Variants in CDH22 observed in about 807,000 individuals in gnomAD.
The protein encoded by CDH22 is cadherin 22.
A neutral mutation model predicts 58.4 loss-of-function variants in CDH22; 30 were observed. The observed-to-expected ratio is 0.51, with a 90% CI of 0.38 to 0.70. The LOEUF is 0.70. Ranked by LOEUF, CDH22 falls within the 30% of genes least tolerant of loss-of-function variation. CDH22 has a pLI of 0.00. For synonymous variants in CDH22, 513 were observed against 558.2 expected (o/e 0.92, Z 1.14); for missense variants, 1,014 against 1,233.9 (o/e 0.82, Z 2.67).
rs2086648793 is a variant in CDH22, at chr20:46,300,966, A to G, written c.-400+7289T>C. 6.6e-6 allele frequency among the ~76,000 whole-genome samples: 1 copy of G among 152,230 alleles called. No individual in the cohort carries two copies. The highest frequency in any genetic ancestry group is 1.5e-5 in the Non-Finnish European group (1 of 68,040). ...TGGAGAACCATGCAGCTCTTGAAAA[A>G]TGATGATGTAGATGTATATTTATCG... On this transcript the variant is annotated intron_variant, in intron 1 of 11. Coordinates refer to ENST00000537909, the MANE Select transcript of CDH22 (RefSeq NM_021248.3). The surrounding 1 kb of genome is among the most constrained non-coding windows in gnomAD (Gnocchi z 4.4).
chr20:46,237,652 G>A (rs1326661040), intron 3 of CDH22, among the ~76,000 whole-genome samples: 4 of 152,010 alleles, frequency 2.6e-5, no homozygotes, highest in South Asian at 2.1e-4. Context: ...CCCCACTCCC[G>A]ACATTTTTCC....
intron 4 of CDH22, among the ~76,000 whole-genome samples, chr20:46,218,399 C>T (rs2086100775): frequency 6.6e-6 from 1 of 152,218 alleles, no homozygotes; most frequent in African/African-American, 2.4e-5. Context: ...GTCAGTAACA[C>T]ACAGCCCAGA....
intron 1 of CDH22, among the ~76,000 whole-genome samples, chr20:46,260,842 G>A (rs1187788564): frequency 6.6e-6 from 1 of 152,222 alleles, no homozygotes; most frequent in Non-Finnish European, 1.5e-5. Context: ...GACAGGGGAA[G>A]GTATTCTTAT....
intron 1 of CDH22, among the ~76,000 whole-genome samples, chr20:46,252,876 G>A (rs901186144): frequency 4.6e-5 from 7 of 152,232 alleles, no homozygotes; most frequent in Admixed American, 1.3e-4. Flanking sequence ...GACTGAGCTC[G>A]GGTGTTTGGA....
chr20:46,242,236 T>C (rs937255495), intron 2 of CDH22, among the ~76,000 whole-genome samples: 2 of 152,148 alleles, frequency 1.3e-5, no homozygotes, highest in Non-Finnish European at 2.9e-5. Flanking sequence ...CTAATGAAGA[T>C]TGGAGAAGTG....
intron 1 of CDH22, among the ~76,000 whole-genome samples, chr20:46,299,830 C>T (rs1046181181): frequency 2.6e-5 from 4 of 152,088 alleles, no homozygotes; most frequent in African/African-American, 9.7e-5. Flanking sequence ...AGATGGGAAC[C>T]CTGGTAGTCT....
rs73312761 is a variant in CDH22, at chr20:46,181,363, C to G, written c.1664-3166G>C. ...AAGTGATATGATTCCTGAGCCTGAA[C>G]AGTGAGTTTAGGGAGAGGGAACAGC... is the stretch of plus-strand genomic sequence containing the variant. On this transcript the variant is annotated intron_variant, in intron 10 of 11. Coordinates refer to ENST00000537909, the MANE Select transcript of CDH22 (RefSeq NM_021248.3). Among the ~76,000 whole-genome samples, 768 of 152,170 alleles carry G rather than the reference C, an allele frequency of 5.0e-3. 11 individuals are homozygous for G. Among genetic ancestry groups the G allele is most frequent in the African/African-American group, 0.017 (713 of 41,482 alleles).
At chr20:46,280,376 C>T (rs558092678) in intron 1 of CDH22, among the ~76,000 whole-genome samples, 5 of 152,220 alleles carry the variant, frequency 3.3e-5, no homozygotes, top group South Asian at 2.1e-4. Flanking sequence ...GCTGAGATCG[C>T]GCCACCGCAC....
intron 8 of CDH22, among the ~76,000 whole-genome samples, chr20:46,197,077 G>A (rs1239674309): frequency 6.6e-6 from 1 of 152,008 alleles, no homozygotes; most frequent in Non-Finnish European, 1.5e-5. Flanking sequence ...GATGGGGGTG[G>A]GGCTCAGACA....
intron 4 of CDH22, among the ~76,000 whole-genome samples, chr20:46,218,374 A>G (rs967658573): frequency 2.6e-5 from 4 of 152,210 alleles, no homozygotes; most frequent in African/African-American, 9.6e-5. Context: ...CATTCTATGC[A>G]TGAACCAGGC....
intron 6 of CDH22, among the ~76,000 whole-genome samples, chr20:46,211,965 T>G (rs893424667): frequency 2.6e-5 from 4 of 152,090 alleles, no homozygotes; most frequent in Non-Finnish European, 4.4e-5. Context: ...TCAAATGAGT[T>G]AATACGCAGA....
intron 1 of CDH22, among the ~76,000 whole-genome samples, chr20:46,260,051 ACTCCT>A (rs2086425633): frequency 6.6e-6 from 1 of 151,794 alleles, no homozygotes; most frequent in South Asian, 2.1e-4. Flanking sequence ...TAGGAGCCAG[ACTCCT>A]CTCCCTACCA....
intron 8 of CDH22, among the ~76,000 whole-genome samples, chr20:46,196,689 C>T (rs540334428): frequency 1.9e-4 from 29 of 152,292 alleles, no homozygotes; most frequent in Admixed American, 5.2e-4. Context: ...CAAATGACTT[C>T]GCCTTGCTGA....
At chr20:46,293,159 C>T (rs1221480186) in intron 1 of CDH22, among the ~76,000 whole-genome samples, 1 of 152,176 alleles carries the variant, frequency 6.6e-6, no homozygotes, top group Non-Finnish European at 1.5e-5. Flanking sequence ...AGGAGGCCAA[C>T]CTCTTGCTGT....
intron 2 of CDH22, among the ~76,000 whole-genome samples, chr20:46,244,326 A>C (rs1352472849): frequency 6.6e-6 from 1 of 152,174 alleles, no homozygotes; most frequent in Non-Finnish European, 1.5e-5. Context: ...AGACAGGGGC[A>C]ATCTGCCTGG....
Position 46,241,107 on chromosome 20 carries a change from G to A in CDH22, c.406C>T (p.Arg136Trp), listed in dbSNP as rs758941722. 24 of 1,614,086 alleles carry A rather than the reference G, an allele frequency of 1.5e-5. No individual in the cohort carries two copies. The highest frequency in any genetic ancestry group is 2.2e-5 in the South Asian group (2 of 91,094). The change falls in exon 3 of 12, where the codon CGG becomes TGG. Residue 136 changes from arginine (R) to tryptophan (W), a missense_variant. Coordinates refer to ENST00000537909, the MANE Select transcript of CDH22 (RefSeq NM_021248.3). This position sits in a 1 kb window ranked among gnomAD's most constrained non-coding sequence, Gnocchi z 5.2. ...DREQKTFYTL[R>W]AQARDRATNR... ...GTGGCGCGATCCCGAGCCTGGGCCC[G>A]CAGCGTGTAGAAGGTTTTCTGCTCG...
intron 1 of CDH22, among the ~76,000 whole-genome samples, chr20:46,294,814 T>C (rs1305059253): frequency 6.6e-6 from 1 of 152,172 alleles, no homozygotes; most frequent in South Asian, 2.1e-4. Context: ...AGAAGTGGGA[T>C]TCCTGGCATT....
intron 7 of CDH22, among the ~76,000 whole-genome samples, chr20:46,204,594 T>C (rs962879463): frequency 2.0e-5 from 3 of 152,106 alleles, no homozygotes; most frequent in African/African-American, 7.2e-5. Flanking sequence ...GTCATCACTC[T>C]CATTTTACAG....
intron 1 of CDH22, among the ~76,000 whole-genome samples, chr20:46,274,749 A>G (rs1435878852): frequency 6.6e-6 from 1 of 152,198 alleles, no homozygotes; most frequent in African/African-American, 2.4e-5. Flanking sequence ...TTAAGCAATA[A>G]AAAGGAATGA....
Sources: gnomAD v4.1 joint callset for allele counts (sites outside exome capture counted in the v4.1 genomes callset) on GRCh38, gnomAD v4.1.1 for gene constraint, Gnocchi (gnomAD v3.1) non-coding constraint, MANE v1.5 for transcripts, NCBI Gene and HGNC (gene_info 2026-07-23, HGNC 2026-07-21) for gene names.